Variants in MYO10 observed in about 807,000 individuals in gnomAD.
MYO10 encodes unconventional myosin-X.
A neutral mutation model predicts 257.3 loss-of-function variants in MYO10; 133 were observed. The ratio of observed to expected loss-of-function variants is 0.52; its 90% confidence interval spans 0.45 to 0.60. The LOEUF (loss-of-function observed/expected upper bound fraction) is 0.60, where lower values mean the gene tolerates loss of function less well. MYO10 is among the 20% of genes least tolerant of loss of function. The probability of loss-of-function intolerance (pLI) is 0.00; values close to 1 mark genes in which losing one functional copy is unlikely to be tolerated. For synonymous variants in MYO10, 1,104 were observed against 1,028.6 expected (o/e 1.07, Z -1.40); for missense variants, 2,399 against 2,635.7 (o/e 0.91, Z 1.97).
At chr5:16,736,979 T>G (rs944073178) in intron 19 of MYO10, among the ~76,000 whole-genome samples, 1 of 152,124 alleles carries the variant, frequency 6.6e-6, no homozygotes, top group Non-Finnish European at 1.5e-5. Flanking sequence ...GCCTACGAGA[T>G]TTCATATTCA....
chr5:16,666,653 G>C lies in MYO10; in HGVS notation c.*39C>G. 6.6e-7 allele frequency: 1 copy of C among 1,520,058 alleles called. No homozygotes were observed. The highest frequency in any genetic ancestry group is 8.9e-7 in the Non-Finnish European group (1 of 1,122,928). The allele number at this position is 1,520,058 out of a possible 1,614,324, so 94.2% of individuals were successfully genotyped here. A position where few individuals can be genotyped will look rare whatever the true frequency, so the allele number is the denominator to read the frequency against. ...GAGCCAGCCTAGGCCAGAGGGTGGT[G>C]CGTTCAGGTAGCAAAGACAGGTGGG... On this transcript the variant is annotated 3_prime_UTR_variant, in exon 41 of 41. Coordinates refer to ENST00000513610, the MANE Select transcript of MYO10 (RefSeq NM_012334.3).
chr5:16,887,244 C>T (rs1036482075), intron 1 of MYO10, among the ~76,000 whole-genome samples: 8 of 152,044 alleles, frequency 5.3e-5, no homozygotes, highest in East Asian at 3.9e-4. Flanking sequence ...GAAAAGTTTA[C>T]GATAGTAAGA....
At chr5:16,698,629 T>TC (rs1737877203) in intron 26 of MYO10, among the ~76,000 whole-genome samples, 2 of 136,046 alleles carry the variant, frequency 1.5e-5, no homozygotes, top group Non-Finnish European at 3.0e-5. Context: ...TGCAGTTTTT[T>TC]TTTTTTTTTT....
At chr5:16,910,106 A>C (rs1197001264) in intron 1 of MYO10, among the ~76,000 whole-genome samples, 3 of 152,186 alleles carry the variant, frequency 2.0e-5, no homozygotes, top group African/African-American at 7.2e-5. Flanking sequence ...AAATGGACTA[A>C]GATAACAGGT....
intron 1 of MYO10, among the ~76,000 whole-genome samples, chr5:16,900,748 T>C (rs1293368940): frequency 6.7e-6 from 1 of 150,164 alleles, no homozygotes; most frequent in African/African-American, 2.5e-5. Flanking sequence ...AATCTTGTTT[T>C]TTTTTTTTTG....
chr5:16,671,038 C>T (rs911962992), intron 38 of MYO10, 60 bp from the exon 39 acceptor site: 14 of 1,431,778 alleles, frequency 9.8e-6, no homozygotes, highest in African/African-American at 7.1e-5. Flanking sequence ...GGGATGCCCA[C>T]GTCGCTTGCT....
chr5:16,881,228 T>C (rs1007539036), intron 1 of MYO10, among the ~76,000 whole-genome samples: 5 of 152,354 alleles, frequency 3.3e-5, no homozygotes, highest in African/African-American at 1.2e-4. Context: ...ATTGAGATTA[T>C]GCAACATTAT....
At chr5:16,678,961 G>A (rs111278791) in intron 33 of MYO10, among the ~76,000 whole-genome samples, 8 of 152,270 alleles carry the variant, frequency 5.3e-5, no homozygotes, top group African/African-American at 1.4e-4. Context: ...AACATCCCCC[G>A]TCACCGTTCC....
chr5:16,749,171 C>T (rs540895542), intron 19 of MYO10, among the ~76,000 whole-genome samples: 9 of 152,166 alleles, frequency 5.9e-5, no homozygotes, highest in African/African-American at 2.2e-4. Flanking sequence ...CAGCCTCCCC[C>T]AGCACAGGCA....
In MYO10 at chr5:16,858,686, G is replaced by A. The variant is rs976605507; in HGVS notation, c.120+18923C>T. ...TTCTACGTAACACACAGGGCCGGGTGCAGTGGCTCATGCCTGTAATCTCAA... is the reference window on the plus strand; with the variant it reads ...TTCTACGTAACACACAGGGCCGGGTACAGTGGCTCATGCCTGTAATCTCAA... On this transcript the variant is annotated intron_variant, in intron 2 of 40. Transcript: ENST00000513610. Among the ~76,000 whole-genome samples the A allele has an allele frequency of 3.9e-5, 6 of 152,174 alleles. 1 individual carries two copies. The highest frequency in any genetic ancestry group is 1.3e-4 in the Admixed American group (2 of 15,270).
At chr5:16,805,187 G>A (rs1373861020) in intron 3 of MYO10, among the ~76,000 whole-genome samples, 3 of 152,086 alleles carry the variant, frequency 2.0e-5, no homozygotes, top group Non-Finnish European at 4.4e-5. Flanking sequence ...TTCTGGCTGG[G>A]TGCAGTGGCT....
intron 3 of MYO10, among the ~76,000 whole-genome samples, chr5:16,795,701 G>C (rs1741918747): frequency 6.6e-6 from 1 of 151,996 alleles, no homozygotes. Flanking sequence ...TAGAGACATG[G>C]TCTTGCTTTG....
At position 16,848,155 on chromosome 5, in the gene MYO10, C is replaced by CTTTTTTTTTTTTTTT. The variant is rs371042891; in HGVS notation, c.120+29439_120+29453dup. On this transcript the variant is annotated intron_variant, in intron 2 of 40. Transcript: ENST00000513610. ...TGATTAAGCAAAGAACTACACATTT[C>CTTTTTTTTTTTTTTT]TTTTTTTTTTTTTTTTTTGTGAGAG... Among the ~76,000 whole-genome samples, 341 of 113,438 alleles carry CTTTTTTTTTTTTTTT rather than the reference C, an allele frequency of 3.0e-3. 7 individuals are homozygous for CTTTTTTTTTTTTTTT. Among genetic ancestry groups the CTTTTTTTTTTTTTTT allele is most frequent in the East Asian group, 8.7e-3 (33 of 3,798 alleles). The allele number at this position is 113,438 out of a possible 152,430, so 74.4% of individuals were successfully genotyped here. A position where few individuals can be genotyped will look rare whatever the true frequency, so the allele number is the denominator to read the frequency against.
intron 2 of MYO10, among the ~76,000 whole-genome samples, chr5:16,842,237 C>T (rs13164534): frequency 0.19 from 29,195 of 152,066 alleles, 2,931 homozygotes; most frequent in East Asian, 0.27. Flanking sequence ...CTTGCCTGAC[C>T]TTTGCTAAAA....
At chr5:16,879,618 C>G (rs967347101) in intron 1 of MYO10, among the ~76,000 whole-genome samples, 21 of 152,194 alleles carry the variant, frequency 1.4e-4, no homozygotes, top group Admixed American at 7.2e-4. Context: ...CTAGGCAGGT[C>G]TCTCCAAATT....
chr5:16,671,719 C>T (rs762353690), intron 37 of MYO10, among the ~76,000 whole-genome samples, 177 bp from the exon 38 acceptor site: 8 of 152,158 alleles, frequency 5.3e-5, no homozygotes, highest in Non-Finnish European at 7.3e-5. Context: ...GTACTTTCAT[C>T]CTGATTTTGC....
chr5:16,910,009 C>T (rs1745618666), intron 1 of MYO10, among the ~76,000 whole-genome samples: 2 of 152,142 alleles, frequency 1.3e-5, no homozygotes, highest in South Asian at 4.1e-4. Flanking sequence ...TGGTGCCATG[C>T]TTCTTATACA....
intron 19 of MYO10, among the ~76,000 whole-genome samples, chr5:16,748,088 T>A (rs139210358): frequency 2.0e-4 from 30 of 152,308 alleles, no homozygotes; most frequent in African/African-American, 6.7e-4. Context: ...TTTTTTTCTT[T>A]GAGACAGGTC....
chr5:16,713,885 A>C (rs1738734782), intron 19 of MYO10, among the ~76,000 whole-genome samples: 1 of 152,144 alleles, frequency 6.6e-6, no homozygotes, highest in Non-Finnish European at 1.5e-5. Context: ...CCAGAACCTG[A>C]GCTCACTCCA....
Sources: allele counts gnomAD v4.1 joint callset (sites outside exome capture counted in the v4.1 genomes callset), GRCh38; gene constraint gnomAD v4.1.1; transcripts MANE v1.5; gene names NCBI Gene and HGNC (gene_info 2026-07-23, HGNC 2026-07-21).